Variants in RAD51B observed in about 807,000 individuals in gnomAD.
The protein encoded by RAD51B is RAD51 paralog B.
RAD51B carries 38 observed loss-of-function variants against 42.2 expected under a neutral mutation model. That is an observed-to-expected ratio of 0.90 (90% CI 0.70 to 1.18). The LOEUF (loss-of-function observed/expected upper bound fraction) is 1.18, where lower values mean the gene tolerates loss of function less well. Ranked by LOEUF, RAD51B falls within the 50% of genes most tolerant of loss-of-function variation. The pLI, the probability that RAD51B is intolerant of heterozygous loss-of-function variation, is 0.00. For missense variants in RAD51B, 373 were observed against 400.7 expected, an observed-to-expected ratio of 0.93 and a Z score of 0.59; for synonymous variants, 154 against 145.2, an observed-to-expected ratio of 1.06 and a Z score of -0.43.
chr14:68,200,956 C>T (rs544339924), intron 7 of RAD51B, among the ~76,000 whole-genome samples: 109 of 152,258 alleles, frequency 7.2e-4, no homozygotes, highest in African/African-American at 2.4e-3. Flanking sequence ...TGCCCATCCA[C>T]ATGGTTTTTT....
In RAD51B at chr14:68,031,666, TA is replaced by T. The variant is rs959589709; in HGVS notation, c.756+144472del. 1.2e-4 allele frequency among the ~76,000 whole-genome samples: 18 copies of T among 150,176 alleles called. 1 individual carries two copies. The South Asian group carries it at 2.3e-3, about 19-fold the overall frequency. ...CAACATGAAGAAACCCTGGTGTCTT[TA>T]AAAAAAAAATTGTTCAATGAATCAA... On this transcript the variant is annotated intron_variant, in intron 7 of 10. Transcript: ENST00000471583.
At chr14:68,427,386 A>G (rs1328158723) in intron 9 of RAD51B, among the ~76,000 whole-genome samples, 1 of 152,208 alleles carries the variant, frequency 6.6e-6, no homozygotes, top group Non-Finnish European at 1.5e-5. Context: ...TGAGGGTGAG[A>G]CTAGCAAAGC....
At chr14:68,160,057 A>G (rs2078605361) in intron 7 of RAD51B, among the ~76,000 whole-genome samples, 1 of 147,772 alleles carries the variant, frequency 6.8e-6, no homozygotes, top group Admixed American at 6.8e-5. Context: ...TATTAAAAAA[A>G]AAAATCACCC....
chr14:68,020,073 A>T (rs1180533535), intron 7 of RAD51B, among the ~76,000 whole-genome samples: 2 of 152,160 alleles, frequency 1.3e-5, no homozygotes, highest in Non-Finnish European at 2.9e-5. Context: ...TTACCAGATC[A>T]TAACAAGGTG....
intron 8 of RAD51B, among the ~76,000 whole-genome samples, chr14:68,379,840 G>T (rs2083444927): frequency 6.6e-6 from 1 of 152,234 alleles, no homozygotes; most frequent in South Asian, 2.1e-4. Context: ...GCTCCCATGG[G>T]TGTGGTGAAG....
chr14:68,390,661 A>G (rs2083720578), intron 8 of RAD51B, among the ~76,000 whole-genome samples: 1 of 152,260 alleles, frequency 6.6e-6, no homozygotes, highest in African/African-American at 2.4e-5. Flanking sequence ...ATGCAGAGAT[A>G]CAATAGTAGG....
intron 8 of RAD51B, among the ~76,000 whole-genome samples, chr14:68,345,818 G>A (rs1307433109): frequency 1.3e-5 from 2 of 152,094 alleles, no homozygotes; most frequent in East Asian, 1.9e-4. Context: ...GTGCTACCAC[G>A]CCCAGCTAAT....
intron 9 of RAD51B, among the ~76,000 whole-genome samples, chr14:68,431,196 A>G (rs1017563843): frequency 2.6e-5 from 4 of 152,142 alleles, no homozygotes; most frequent in African/African-American, 9.7e-5. Context: ...CATCAGGGAT[A>G]TTGGTCTAAA....
chr14:68,468,471 A>G, intron 10 of RAD51B: 3 of 620,914 alleles, frequency 4.8e-6, no homozygotes, highest in Non-Finnish European at 3.0e-6. Flanking sequence ...GACCTACAGA[A>G]TTTCCTAACA....
At chr14:68,282,544 A>G (rs2081339545) in intron 7 of RAD51B, among the ~76,000 whole-genome samples, 1 of 152,198 alleles carries the variant, frequency 6.6e-6, no homozygotes, top group African/African-American at 2.4e-5. Flanking sequence ...CACAGACAGC[A>G]TTGCTTCAGC....
Position 68,097,427 on chromosome 14 carries a change from G to A in RAD51B, c.757-194457G>A, listed in dbSNP as rs142619648. Among the ~76,000 whole-genome samples, 9 of 152,176 alleles carry A rather than the reference G, an allele frequency of 5.9e-5. No homozygotes were observed. In the East Asian group the frequency reaches 1.7e-3, roughly 29 times the overall value. On this transcript the variant is annotated intron_variant, in intron 7 of 10. Coordinates refer to ENST00000471583, the MANE Select transcript of RAD51B (RefSeq NM_133510.4). ...TTCTTCTGTCTGTTGCCTAGTAGAT[G>A]TCTCTAACTGGATATTCAAATGACA... is the stretch of plus-strand genomic sequence containing the variant.
downstream of RAD51B, among the ~76,000 whole-genome samples, chr14:68,482,105 TTAATTACTTTTACTGAAAG>T (rs58347380): frequency 0.44 from 66,701 of 151,308 alleles, 16,757 homozygotes; most frequent in South Asian, 0.69. Context: ...TTTTGTATCA[TTAATTACTTTTACTGAAAG>T]TAATTACTTT....
chr14:68,019,256 G>A (rs1426102334), intron 7 of RAD51B, among the ~76,000 whole-genome samples: 2 of 152,096 alleles, frequency 1.3e-5, no homozygotes, highest in Non-Finnish European at 2.9e-5. Flanking sequence ...ACAGAGTACC[G>A]CTGCAGTGGA....
At chr14:67,918,123 A>G (rs2044214173) in intron 7 of RAD51B, among the ~76,000 whole-genome samples, 1 of 152,202 alleles carries the variant, frequency 6.6e-6, no homozygotes, top group South Asian at 2.1e-4. Context: ...GAGATGTAAG[A>G]ATATTACAGA....
chr14:68,232,710 T>C (rs1229656198), intron 7 of RAD51B, among the ~76,000 whole-genome samples: 6 of 152,212 alleles, frequency 3.9e-5, no homozygotes, highest in Admixed American at 2.0e-4. Context: ...GTCTGTCTTA[T>C]TGCAAGGTCA....
rs184176367 is a variant in RAD51B, at chr14:68,483,269, T to A, written c.1036+15019T>A. Among the ~76,000 whole-genome samples, 112 of 152,322 alleles carry A rather than the reference T, an allele frequency of 7.4e-4. 1 individual carries two copies. In the East Asian group the frequency reaches 0.014, roughly 20 times the overall value. On this transcript the variant is annotated intron_variant, in intron 10 of 10. Transcript: ENST00000487270. ...GCTATACCCAGTGGGCTTGCAAATGTTTCCTTCTTCCATATTCACGCTTGT... is the reference window on the plus strand; with the variant it reads ...GCTATACCCAGTGGGCTTGCAAATGATTCCTTCTTCCATATTCACGCTTGT...
chr14:68,004,743 C>T (rs1167980193), intron 7 of RAD51B, among the ~76,000 whole-genome samples: 1 of 152,218 alleles, frequency 6.6e-6, no homozygotes, highest in African/African-American at 2.4e-5. Flanking sequence ...GAAGCCCCCA[C>T]TGTGTGCCCT....
chr14:68,203,046 CT>C (rs530337168), intron 7 of RAD51B, among the ~76,000 whole-genome samples: 5 of 152,130 alleles, frequency 3.3e-5, no homozygotes, highest in Non-Finnish European at 7.4e-5. Flanking sequence ...GAATCAGTTT[CT>C]TTAAAACTCC....
At chr14:68,453,228 A>G (rs1170356265) in intron 9 of RAD51B, among the ~76,000 whole-genome samples, 8 of 152,234 alleles carry the variant, frequency 5.3e-5, no homozygotes, top group African/African-American at 1.7e-4. Context: ...ATTTGAAATT[A>G]TGTCTGTATG....
Sources: gnomAD v4.1 joint callset for allele counts (sites outside exome capture counted in the v4.1 genomes callset) on GRCh38, gnomAD v4.1.1 for gene constraint, MANE v1.5 for transcripts, NCBI Gene and HGNC (gene_info 2026-07-23, HGNC 2026-07-21) for gene names.